Variants in SREBF2 observed in about 807,000 individuals in gnomAD.
The protein encoded by SREBF2 is sterol regulatory element-binding protein 2.
SREBF2 carries 55 observed loss-of-function variants against 113.1 expected under a neutral mutation model. That is an observed-to-expected ratio of 0.49 (90% CI 0.39 to 0.61). The LOEUF (loss-of-function observed/expected upper bound fraction) is 0.61. Among genes scored for constraint, SREBF2 ranks in the 20% least tolerant of loss-of-function variants. The pLI is 0.00. For missense variants in SREBF2, 1,349 were observed against 1,487.4 expected (o/e 0.91, Z 1.53); for synonymous variants, 593 against 605.7 (o/e 0.98, Z 0.31).
chr22:41,856,301 G>C (rs2148361033), intron 1 of SREBF2, among the ~76,000 whole-genome samples: 1 of 152,016 alleles, frequency 6.6e-6, no homozygotes, highest in African/African-American at 2.4e-5. Flanking sequence ...GCTAAAGTTT[G>C]TATTTTTTGT....
chr22:41,905,649 GC>G lies in SREBF2; in HGVS notation c.3417del (p.Ala1140ProfsTer57), dbSNP rs2077501892. The G allele has an allele frequency of 6.3e-7, 1 of 1,582,664 alleles. No homozygotes were observed. The highest frequency in any genetic ancestry group is 8.6e-7 in the Non-Finnish European group (1 of 1,165,196). ...TAAGCTGGGTGGTGGCACTGCCATT[GC>G]CGCCTCCTGACCACCAGGCTCAGCC... The part of the protein sequence containing the change: ...IVKLGGGTAI[A>X]AS On this transcript the variant is annotated frameshift_variant, in exon 19 of 19. Transcript: ENST00000361204. LOFTEE classifies it high-confidence loss of function.
At position 41,873,987 on chromosome 22, in the gene SREBF2, T is replaced by C; in HGVS notation, c.1057T>C (p.Leu353=). The part of the protein sequence containing the change: ...RSSINDKIIE[L]KDLVMGTDAK... ...CTCCATCAATGACAAAATCATCGAA[T>C]TGAAAGACCTGGTCATGGGGACAGA... The change falls in exon 5 of 19, where the codon TTG becomes CTG. Residue 353 remains leucine (L), a synonymous_variant. Transcript: ENST00000361204. 1 of 1,614,074 alleles carries C rather than the reference T, an allele frequency of 6.2e-7. No individual in the cohort carries two copies. The highest frequency in any genetic ancestry group is 8.5e-7 in the Non-Finnish European group (1 of 1,180,010).
Position 41,906,119 on chromosome 22 carries a change from G to T in SREBF2, c.*459G>T. ...CTTTTTATACGAATGTTTTCTACCAGTGTGCTTGGGTTTGCCATGATGCGA... is the reference window on the plus strand; with the variant it reads ...CTTTTTATACGAATGTTTTCTACCATTGTGCTTGGGTTTGCCATGATGCGA... On this transcript the variant is annotated 3_prime_UTR_variant, in exon 19 of 19. Transcript: ENST00000361204. 2.5e-6 allele frequency: 1 copy of T among 404,398 alleles called. No individual in the cohort carries two copies. Among genetic ancestry groups the T allele is most frequent in the East Asian group, 7.1e-5 (1 of 14,102 alleles). The allele number at this position is 404,398 out of a possible 1,614,324, so 25.1% of individuals were successfully genotyped here. A position where few individuals can be genotyped will look rare whatever the true frequency, so the allele number is the denominator to read the frequency against.
chr22:41,872,033 G>A (rs2077148771), intron 4 of SREBF2, among the ~76,000 whole-genome samples: 2 of 152,016 alleles, frequency 1.3e-5, no homozygotes, highest in African/African-American at 2.4e-5. Context: ...GGTAGATCAT[G>A]AGGTCAGGAG....
At chr22:41,851,282 T>C (rs2076927840) in intron 1 of SREBF2, among the ~76,000 whole-genome samples, 1 of 152,174 alleles carries the variant, frequency 6.6e-6, no homozygotes, top group Non-Finnish European at 1.5e-5. Context: ...TAAATATCAA[T>C]AGTGCAACCA....
chr22:41,860,078 T>G (rs1452468538), intron 1 of SREBF2, among the ~76,000 whole-genome samples: 1 of 152,010 alleles, frequency 6.6e-6, no homozygotes, highest in Non-Finnish European at 1.5e-5. Context: ...GTGCTGGGAT[T>G]ACAGGTGTGA....
At position 41,884,926 on chromosome 22, in the gene SREBF2, T is replaced by A; in HGVS notation, c.2123T>A (p.Ile708Asn). 1 of 1,614,114 alleles carries A rather than the reference T, an allele frequency of 6.2e-7. No homozygotes were observed. The highest frequency in any genetic ancestry group is 8.5e-7 in the Non-Finnish European group (1 of 1,179,998). The change falls in exon 11 of 19, where the codon ATC (isoleucine) becomes AAC (asparagine). Residue 708 changes from isoleucine (I) to asparagine (N), a missense_variant. This residue lies in a region of SREBF2 where 650 missense variants were observed against 644.1 expected (regional missense o/e 1.01). Transcript: ENST00000361204. ...CTGGCTGAATGTGCAGAGGAGAAGA[T>A]CCCACCGAGCACACTGGTTGAGATC... is the stretch of plus-strand genomic sequence containing the variant. ...VNLAECAEEK[I>N]PPSTLVEIHL... is the part of the protein sequence containing the mutation.
At chr22:41,846,587 C>T (rs113878178) in intron 1 of SREBF2, among the ~76,000 whole-genome samples, 45 of 152,278 alleles carry the variant, frequency 3.0e-4, no homozygotes, top group African/African-American at 9.4e-4. Flanking sequence ...CAGTTTCTGC[C>T]GCCAAATATA....
At chr22:41,835,752 C>T (rs1322849681) in intron 1 of SREBF2, among the ~76,000 whole-genome samples, 2 of 152,172 alleles carry the variant, frequency 1.3e-5, no homozygotes, top group Non-Finnish European at 1.5e-5. Flanking sequence ...CTCAGCTTCC[C>T]GAGTAGTTAG....
At chr22:41,880,397 CA>C (rs58272168) in intron 9 of SREBF2, among the ~76,000 whole-genome samples, 289 of 87,616 alleles carry the variant, frequency 3.3e-3, no homozygotes, top group African/African-American at 7.9e-3. Context: ...ACTAAAAATA[CA>C]AAAAAAAAAA....
intron 12 of SREBF2, among the ~76,000 whole-genome samples, chr22:41,893,825 G>A (rs1470530348): frequency 6.6e-6 from 1 of 152,096 alleles, no homozygotes; most frequent in South Asian, 2.1e-4. Context: ...GAGTTGACTC[G>A]CCCGGCCTTG....
intron 11 of SREBF2, 83 bp from the exon 12 acceptor site, chr22:41,893,033 AC>A: frequency 6.5e-7 from 1 of 1,530,084 alleles, no homozygotes; most frequent in African/African-American, 1.4e-5. Context: ...GCCCACCTCC[AC>A]CATGGTGCTT....
At chr22:41,873,197 C>CA (rs947364957) in intron 4 of SREBF2, among the ~76,000 whole-genome samples, 5 of 149,880 alleles carry the variant, frequency 3.3e-5, no homozygotes, top group African/African-American at 1.2e-4. Context: ...AACTCCGTCT[C>CA]AAAAAAAATA....
In SREBF2 at chr22:41,902,969, G is replaced by C; in HGVS notation, c.2908-1G>C. The C allele has an allele frequency of 6.2e-7, 1 of 1,609,398 alleles. No individual in the cohort carries two copies. Among genetic ancestry groups the C allele is most frequent in the Non-Finnish European group, 8.5e-7 (1 of 1,178,100 alleles). The stretch of plus-strand genomic sequence containing the variant: ...CCCCTCTCTCGTGGCTGACCCCACA[G>C]GTGGTCCAGCTGCTCACCTGTGACC... On this transcript the variant is annotated splice_acceptor_variant, in intron 16 of 18. Coordinates refer to ENST00000361204, the MANE Select transcript of SREBF2 (RefSeq NM_004599.4). LOFTEE classifies it high-confidence loss of function.
In SREBF2 at chr22:41,893,297, T is replaced by A. The variant is rs750965592; in HGVS notation, c.2377+12T>A. 1.2e-6 allele frequency: 2 copies of A among 1,613,962 alleles called. No homozygotes were observed. The highest frequency in any genetic ancestry group is 1.7e-5 in the Admixed American group (1 of 60,012). ...CCAGAGGAACCCAGGTGAGAATACC[T>A]TGGAGCCATTCAGAATTGGAGAAAG... On this transcript the variant is annotated intron_variant, in intron 12 of 18. Transcript: ENST00000361204.
intron 1 of SREBF2, among the ~76,000 whole-genome samples, chr22:41,847,000 A>G (rs1040769814): frequency 2.0e-5 from 3 of 152,234 alleles, no homozygotes; most frequent in African/African-American, 7.2e-5. Flanking sequence ...TCCAGCTCCC[A>G]GCCCAGAGTA....
chr22:41,904,298 G>A (rs2077487297), intron 17 of SREBF2, among the ~76,000 whole-genome samples: 1 of 152,216 alleles, frequency 6.6e-6, no homozygotes, highest in Non-Finnish European at 1.5e-5. Context: ...CCTCCCTGAA[G>A]ACTGAGATAT....
chr22:41,847,878 T>A (rs909235658), intron 1 of SREBF2, among the ~76,000 whole-genome samples: 2 of 151,902 alleles, frequency 1.3e-5, no homozygotes, highest in East Asian at 1.9e-4. Context: ...TGATTGTTGT[T>A]CTCAAAGTCT....
Position 41,867,052 on chromosome 22 carries a change from G to T in SREBF2, c.310G>T (p.Ala104Ser). ...CACATTACCTTCCTTCTCTCCCTCG[G>T]CGGCCTCCCCACAGGCTCCAACTCT... ...QVTLPSFSPS[A>S]ASPQAPTLQV... The change falls in exon 2 of 19, where the codon GCG (alanine) becomes TCG (serine). Residue 104 changes from alanine to serine, a missense_variant. By Grantham distance (99) the Ala-to-Ser change is moderately conservative (BLOSUM62 1). This residue lies in a region of SREBF2 where 699 missense variants were observed against 843.3 expected (regional missense o/e 0.83). Coordinates refer to ENST00000361204, the MANE Select transcript of SREBF2 (RefSeq NM_004599.4). The T allele has an allele frequency of 6.2e-7, 1 of 1,614,148 alleles. No individual in the cohort carries two copies.
Sources: gnomAD v4.1 joint callset for allele counts (sites outside exome capture counted in the v4.1 genomes callset) on GRCh38, gnomAD v4.1.1 for gene constraint, gnomAD v4.1.1 regional missense constraint, MANE v1.5 for transcripts, NCBI Gene and HGNC (gene_info 2026-07-23, HGNC 2026-07-21) for gene names.